STAB2: variants seen among roughly 807,000 people sequenced by gnomAD.
STAB2 encodes the protein stabilin-2.
A neutral mutation model predicts 338.1 loss-of-function variants in STAB2; 288 were observed. That is an observed-to-expected ratio of 0.85 (90% CI 0.77 to 0.94). The LOEUF is 0.94. Among genes scored for constraint, STAB2 ranks in the 40% least tolerant of loss-of-function variants. The pLI, the probability that STAB2 is intolerant of heterozygous loss-of-function variation, is 0.00. For missense variants in STAB2, 3,141 were observed against 3,210.1 expected (o/e 0.98, Z 0.52); for synonymous variants, 1,202 against 1,193.3 (o/e 1.01, Z -0.15).
intron 3 of STAB2, among the ~76,000 whole-genome samples, chr12:103,613,408 C>T (rs1017752656): frequency 3.9e-5 from 6 of 152,152 alleles, no homozygotes; most frequent in East Asian, 1.9e-4. Flanking sequence ...CCCCCAGCCT[C>T]GCTGCCGCCT....
intron 29 of STAB2, 118 bp from the exon 30 acceptor site, chr12:103,690,305 AG>A (rs1469817486): frequency 7.8e-6 from 7 of 900,196 alleles, no homozygotes; most frequent in Non-Finnish European, 1.2e-5. Flanking sequence ...TGGTAACTGC[AG>A]GGGGAACTTG....
At chr12:103,734,467 G>A (rs1256431141) in intron 51 of STAB2, among the ~76,000 whole-genome samples, 1 of 151,978 alleles carries the variant, frequency 6.6e-6, no homozygotes, top group African/African-American at 2.4e-5. Flanking sequence ...ACAGGAGCAA[G>A]CATGATCATA....
chr12:103,677,727 C>T lies in STAB2; in HGVS notation c.2805+116C>T, dbSNP rs1313332798. The T allele has an allele frequency of 3.8e-6, 5 of 1,329,988 alleles. No homozygotes were observed. In the African/African-American group the frequency reaches 5.8e-5, roughly 16 times the overall value. 82.4% of individuals were successfully genotyped at this position (1,329,988 alleles called of 1,614,324 possible). Reference sequence around the variant, plus strand: ...CTTACTGCAGCTTTTTTCAGTCATTCGTGGCAGTGAACATGGGTTCATTGC... The same window carrying T: ...CTTACTGCAGCTTTTTTCAGTCATTTGTGGCAGTGAACATGGGTTCATTGC... On this transcript the variant is annotated intron_variant, in intron 25 of 68. Coordinates refer to ENST00000388887, the MANE Select transcript of STAB2 (RefSeq NM_017564.10).
intron 3 of STAB2, among the ~76,000 whole-genome samples, chr12:103,610,628 C>T (rs1436515791): frequency 6.6e-6 from 1 of 152,016 alleles, no homozygotes; most frequent in African/African-American, 2.4e-5. Flanking sequence ...TTGATCTTTT[C>T]AAAAAACCAG....
intron 56 of STAB2, 118 bp downstream of exon 56, chr12:103,742,672 C>A: frequency 1.4e-6 from 2 of 1,476,864 alleles, no homozygotes; most frequent in Non-Finnish European, 1.8e-6. Flanking sequence ...CAGCCACACC[C>A]CTCCAATCTG....
At chr12:103,734,857 G>T (rs1394632041) in intron 51 of STAB2, among the ~76,000 whole-genome samples, 1 of 152,130 alleles carries the variant, frequency 6.6e-6, no homozygotes, top group Non-Finnish European at 1.5e-5. Context: ...TCCGCTTCTG[G>T]TGGCTTCTGG....
At chr12:103,618,862 C>T (rs955001640) in intron 3 of STAB2, among the ~76,000 whole-genome samples, 8 of 152,088 alleles carry the variant, frequency 5.3e-5, no homozygotes, top group South Asian at 2.1e-4. Context: ...ATAATTCTCA[C>T]GTGTCATGGG....
intron 1 of STAB2, among the ~76,000 whole-genome samples, chr12:103,588,047 G>A (rs1301944665): frequency 6.6e-6 from 1 of 152,152 alleles, no homozygotes; most frequent in East Asian, 1.9e-4. Context: ...AAAGTTCCCA[G>A]GGAGGTCTTA....
chr12:103,605,558 G>T (rs1429861335), intron 3 of STAB2, among the ~76,000 whole-genome samples: 1 of 151,878 alleles, frequency 6.6e-6, no homozygotes, highest in East Asian at 1.9e-4. Context: ...TATTGAGAGA[G>T]AGGTACTGAA....
chr12:103,596,917 C>T (rs990250956), intron 3 of STAB2, among the ~76,000 whole-genome samples: 1 of 135,060 alleles, frequency 7.4e-6, no homozygotes, highest in Non-Finnish European at 1.5e-5. Context: ...CATGCCACTG[C>T]ACTCCAGCCT....
intron 4 of STAB2, among the ~76,000 whole-genome samples, chr12:103,621,632 T>C (rs1417857444): frequency 2.6e-5 from 4 of 152,168 alleles, no homozygotes; most frequent in Non-Finnish European, 5.9e-5. Context: ...CTCGGGAGGC[T>C]GAAGCAGGAG....
chr12:103,720,378 A>C (rs1392956632), intron 44 of STAB2, among the ~76,000 whole-genome samples: 1 of 152,232 alleles, frequency 6.6e-6, no homozygotes, highest in Non-Finnish European at 1.5e-5. Flanking sequence ...GGGGCCAGGC[A>C]GGGAATAATA....
intron 3 of STAB2, among the ~76,000 whole-genome samples, chr12:103,611,796 A>T (rs1477402301): frequency 6.6e-6 from 1 of 151,982 alleles, no homozygotes; most frequent in Non-Finnish European, 1.5e-5. Context: ...GGTCTTTACG[A>T]TTTGGCATGT....
Position 103,660,665 on chromosome 12 carries a change from G to A in STAB2, c.1789-18G>A, listed in dbSNP as rs763952407. 3 of 1,613,868 alleles carry A rather than the reference G, an allele frequency of 1.9e-6. No homozygotes were observed. The Admixed American group carries it at 5.0e-5, about 27-fold the overall frequency. ...GTGGTCCCAAATATCTCTGCCTTTT[G>A]TTCTCTTCTTATTGCAGCTTGAAGT... On this transcript the variant is annotated intron_variant, in intron 16 of 68. Transcript: ENST00000388887.
chr12:103,753,068 A>G (rs1174327538), intron 60 of STAB2, 152 bp from the exon 61 acceptor site: 1 of 786,452 alleles, frequency 1.3e-6, no homozygotes, highest in African/African-American at 1.7e-5. Flanking sequence ...ATTTTAAATG[A>G]TGTACTTCAA....
intron 3 of STAB2, among the ~76,000 whole-genome samples, chr12:103,602,965 C>T (rs1290986590): frequency 1.3e-5 from 2 of 152,144 alleles, no homozygotes; most frequent in African/African-American, 4.8e-5. Flanking sequence ...TTTGACCAAC[C>T]TCATATCACA....
At chr12:103,678,675 C>T (rs1417791343) in intron 25 of STAB2, among the ~76,000 whole-genome samples, 1 of 152,104 alleles carries the variant, frequency 6.6e-6, no homozygotes, top group Non-Finnish European at 1.5e-5. Flanking sequence ...TACAGGCACC[C>T]ACCACCACGC....
chr12:103,592,380 T>C (rs1376602740), intron 2 of STAB2: 2 of 152,134 alleles, frequency 1.3e-5, no homozygotes, highest in African/African-American at 4.8e-5. Context: ...TATGTTCCAA[T>C]ACACAAACAC....
chr12:103,713,688 C>CT lies in STAB2; in HGVS notation c.4458dup (p.Asp1487Ter). The CT allele has an allele frequency of 6.2e-7, 1 of 1,614,120 alleles. No homozygotes were observed. The highest frequency in any genetic ancestry group is 8.5e-7 in the Non-Finnish European group (1 of 1,179,976). ...AGCAATGGAGGTTGCTCTGCCAAGG[C>CT]TGACTGTAAGAGAACCACCCCAGGA... is the stretch of plus-strand genomic sequence containing the variant. On this transcript the variant is annotated frameshift_variant, in exon 42 of 69. Coordinates refer to ENST00000388887, the MANE Select transcript of STAB2 (RefSeq NM_017564.10). LOFTEE classifies it high-confidence loss of function.
Sources: gnomAD v4.1 joint callset for allele counts (sites outside exome capture counted in the v4.1 genomes callset) on GRCh38, gnomAD v4.1.1 for gene constraint, MANE v1.5 for transcripts, NCBI Gene and HGNC (gene_info 2026-07-23, HGNC 2026-07-21) for gene names.